Variants in ANKRD29 observed in about 807,000 individuals in gnomAD.
ANKRD29 encodes ankyrin repeat domain-containing protein 29.
Under a neutral mutation model 38.0 loss-of-function variants are expected in ANKRD29, and 32 were observed. That is an observed-to-expected ratio of 0.84 (90% CI 0.64 to 1.13). ANKRD29 has a LOEUF of 1.13. ANKRD29 is among the 50% of genes most tolerant of loss of function. The pLI, the probability that ANKRD29 is intolerant of heterozygous loss-of-function variation, is 0.00. For missense variants in ANKRD29, 357 were observed against 377.9 expected (o/e 0.94, Z 0.46); for synonymous variants, 135 against 152.4 (o/e 0.89, Z 0.84).
chr18:23,611,664 G>A (rs571006004), intron 9 of ANKRD29, among the ~76,000 whole-genome samples: 1 of 152,206 alleles, frequency 6.6e-6, no homozygotes, highest in South Asian at 2.1e-4. Context: ...CAGTCTGGGT[G>A]ACAGAGCGAG....
At chr18:23,645,189 A>T (rs2060122853) in intron 3 of ANKRD29, among the ~76,000 whole-genome samples, 1 of 151,964 alleles carries the variant, frequency 6.6e-6, no homozygotes, top group Admixed American at 6.6e-5. Flanking sequence ...GGTCAGATAC[A>T]CTCTAGGGGT....
chr18:23,640,621 T>C (rs548243765), intron 3 of ANKRD29, among the ~76,000 whole-genome samples: 1 of 152,298 alleles, frequency 6.6e-6, no homozygotes, highest in South Asian at 2.1e-4. Flanking sequence ...GATCATGACA[T>C]TCTGAGACAC....
At chr18:23,642,074 G>A (rs1472250042) in intron 3 of ANKRD29, among the ~76,000 whole-genome samples, 1 of 152,102 alleles carries the variant, frequency 6.6e-6, no homozygotes, top group Non-Finnish European at 1.5e-5. Context: ...GGTCTCCTGG[G>A]AGGTGTTCTG....
intron 6 of ANKRD29, among the ~76,000 whole-genome samples, chr18:23,627,547 C>T: frequency 6.6e-6 from 1 of 152,146 alleles, no homozygotes; most frequent in Non-Finnish European, 1.5e-5. Flanking sequence ...AACATCACGG[C>T]ATGACTCATT....
rs142778334 is a variant in ANKRD29 at position 23,638,059 on chromosome 18, G to A, written c.330+790C>T. Among the ~76,000 whole-genome samples the A allele has an allele frequency of 4.0e-3, 561 of 140,724 alleles. 7 individuals are homozygous for A. Among genetic ancestry groups the A allele is most frequent in the African/African-American group, 0.014 (532 of 37,680 alleles). The allele number at this position is 140,724 out of a possible 152,430, so 92.3% of individuals were successfully genotyped here. On this transcript the variant is annotated intron_variant, in intron 4 of 9. Coordinates refer to ENST00000592179, the MANE Select transcript of ANKRD29 (RefSeq NM_173505.4). ...GTCGCCCAGGCTGGAGTGCAGTAGC[G>A]TGATCTTGGCTCACTGCAACCTCTG... is the stretch of plus-strand genomic sequence containing the variant.
At chr18:23,620,466 G>A (rs1000367494) in intron 6 of ANKRD29, among the ~76,000 whole-genome samples, 1 of 152,160 alleles carries the variant, frequency 6.6e-6, no homozygotes, top group African/African-American at 2.4e-5. Context: ...TTTGACAGTA[G>A]GGTGGTTCCC....
chr18:23,615,897 A>T (rs1000011610), intron 8 of ANKRD29, among the ~76,000 whole-genome samples: 14 of 147,320 alleles, frequency 9.5e-5, no homozygotes, highest in African/African-American at 3.2e-4. Context: ...ATATATTTAT[A>T]TTATATAGTA....
intron 3 of ANKRD29, among the ~76,000 whole-genome samples, chr18:23,642,781 A>G (rs2060094349): frequency 6.6e-6 from 1 of 152,224 alleles, no homozygotes; most frequent in Non-Finnish European, 1.5e-5. Flanking sequence ...CCCTGCATGC[A>G]CAGTTAGACT....
At chr18:23,639,376 C>T (rs1390934779) in intron 3 of ANKRD29, among the ~76,000 whole-genome samples, 1 of 151,804 alleles carries the variant, frequency 6.6e-6, no homozygotes, top group East Asian at 1.9e-4. Context: ...AGGAGACAAG[C>T]AAAATGTGAT....
chr18:23,629,138 C>T (rs1408926288), intron 6 of ANKRD29, among the ~76,000 whole-genome samples: 1 of 152,238 alleles, frequency 6.6e-6, no homozygotes, highest in Non-Finnish European at 1.5e-5. Context: ...GCATGCGCCA[C>T]CGCGCCTGGC....
At chr18:23,660,828 A>G (rs894318305) in intron 1 of ANKRD29, among the ~76,000 whole-genome samples, 1 of 152,164 alleles carries the variant, frequency 6.6e-6, no homozygotes. Flanking sequence ...CAAACTAACA[A>G]AAATCTGTTT....
At chr18:23,630,436 A>G (rs1172143633) in intron 5 of ANKRD29, among the ~76,000 whole-genome samples, 1 of 151,024 alleles carries the variant, frequency 6.6e-6, no homozygotes, top group African/African-American at 2.4e-5. Flanking sequence ...AAAAAACAAA[A>G]AATCAAAAAA....
intron 3 of ANKRD29, among the ~76,000 whole-genome samples, chr18:23,645,430 C>G (rs549409545): frequency 1.5e-4 from 23 of 152,264 alleles, no homozygotes; most frequent in African/African-American, 4.8e-4. Context: ...AGAAAATTAG[C>G]TGGGCGTGGT....
chr18:23,651,703 G>A (rs1007476288), intron 1 of ANKRD29, among the ~76,000 whole-genome samples: 1 of 152,204 alleles, frequency 6.6e-6, no homozygotes, highest in Non-Finnish European at 1.5e-5. Flanking sequence ...AAGATCTCTA[G>A]TCGGGGCCTC....
intron 6 of ANKRD29, 37 bp from the exon 7 acceptor site, chr18:23,619,666 G>A: frequency 6.6e-7 from 1 of 1,514,432 alleles, no homozygotes; most frequent in Non-Finnish European, 8.8e-7. Flanking sequence ...CGTGACTGGG[G>A]CGCCCGGCCC....
intron 6 of ANKRD29, among the ~76,000 whole-genome samples, chr18:23,624,261 G>GC (rs1247499241): frequency 6.6e-6 from 1 of 151,666 alleles, no homozygotes; most frequent in African/African-American, 2.4e-5. Context: ...GAGGCCTGGA[G>GC]TTTGAGACTA....
intron 1 of ANKRD29, among the ~76,000 whole-genome samples, chr18:23,661,311 A>T (rs1184613318): frequency 6.6e-6 from 1 of 152,186 alleles, no homozygotes; most frequent in Non-Finnish European, 1.5e-5. Context: ...TGTCTAATCA[A>T]CATCTCTGCT....
rs144941387 is a variant in ANKRD29, at chr18:23,646,412, T to G, written c.133-125A>C. 3.1e-4 allele frequency: 209 copies of G among 674,322 alleles called. No individual in the cohort carries two copies. The African/African-American group carries it at 3.1e-3, about 10-fold the overall frequency. The allele number at this position is 674,322 out of a possible 1,614,324, so 41.8% of individuals were successfully genotyped here. On this transcript the variant is annotated intron_variant, in intron 2 of 9. Transcript: ENST00000592179. ...CATCCAAGGGCAAAATTCCCTGCAG[T>G]GATAAAAGTGGTCATGAATAATCTC...
chr18:23,602,843 AAAT>A (rs1314291678), intron 9 of ANKRD29, among the ~76,000 whole-genome samples: 3 of 152,288 alleles, frequency 2.0e-5, no homozygotes, highest in Non-Finnish European at 2.9e-5. Context: ...AATTCACTAA[AAAT>A]AATAAATCCA....
Sources: allele counts gnomAD v4.1 joint callset (sites outside exome capture counted in the v4.1 genomes callset), GRCh38; gene constraint gnomAD v4.1.1; transcripts MANE v1.5; gene names NCBI Gene and HGNC (gene_info 2026-07-23, HGNC 2026-07-21).